The following ZC4H2 variants were observed in gnomAD, a reference collection of about 807,000 sequenced individuals.
ZC4H2 encodes zinc finger C4H2-type containing.
For missense variants in ZC4H2, 137 were observed against 173.9 expected (o/e 0.79, Z 1.19); for synonymous variants, 84 against 66.3 (o/e 1.27, Z -1.30).
At chrX:64,959,991 C>A (rs756760130) in intron 1 of ZC4H2, among the ~76,000 whole-genome samples, 61 of 110,897 alleles carry the variant, frequency 5.5e-4, no homozygotes, top group Non-Finnish European at 9.8e-4. Flanking sequence ...CCCTCCCAGG[C>A]ATAACTAAAA....
rs1932811594 is a variant in ZC4H2, at chrX:65,018,404, G to A, written c.-272+16225C>T. Among the ~76,000 whole-genome samples the A allele has an allele frequency of 3.6e-5, 4 of 112,214 alleles. No homozygotes were observed. The South Asian group carries it at 1.5e-3, about 41-fold the overall frequency. On this transcript the variant is annotated intron_variant, in intron 1 of 4. Coordinates refer to the ZC4H2 transcript ENST00000337990. ...GCAGGACGAAGCAGAGTGGGGTGTT[G>A]CCTCACCTGGGAAGCACAAAGGGTT...
At chrX:65,021,401 C>T (rs779806839) in intron 1 of ZC4H2, among the ~76,000 whole-genome samples, 10 of 111,057 alleles carry the variant, frequency 9.0e-5, no homozygotes, top group African/African-American at 3.0e-4. Context: ...GGAAACTGAA[C>T]GACCTGCTCC....
At chrX:64,993,582 C>G (rs1002329154) in intron 1 of ZC4H2, among the ~76,000 whole-genome samples, 1 of 111,615 alleles carries the variant, frequency 9.0e-6, no homozygotes, top group African/African-American at 3.3e-5. Flanking sequence ...GACATGGAAT[C>G]TGCTAGTGCC....
At chrX:64,940,291 G>A (rs1034235696) in intron 1 of ZC4H2, among the ~76,000 whole-genome samples, 9 of 111,501 alleles carry the variant, frequency 8.1e-5, no homozygotes, top group African/African-American at 2.9e-4. Flanking sequence ...GATCCTTGTA[G>A]GATCTGGATA....
At chrX:65,011,701 CT>C (rs773822937) in intron 1 of ZC4H2, among the ~76,000 whole-genome samples, 21 of 104,329 alleles carry the variant, frequency 2.0e-4, no homozygotes, top group East Asian at 6.1e-4. Flanking sequence ...AGTATGCCAT[CT>C]TTTTTTTTTG....
At chrX:64,927,663 G>A (rs1457587111) in intron 1 of ZC4H2, among the ~76,000 whole-genome samples, 3 of 111,815 alleles carry the variant, frequency 2.7e-5, no homozygotes, top group African/African-American at 9.8e-5. Context: ...GGAATTGCTG[G>A]GTCAAATGGT....
chrX:64,972,082 T>A (rs1370784019), intron 1 of ZC4H2, among the ~76,000 whole-genome samples: 11 of 111,670 alleles, frequency 9.9e-5, no homozygotes. Context: ...TTTGTTCCAT[T>A]CTTGTCTCTC....
At chrX:64,954,353 T>A (rs1223932626) in intron 1 of ZC4H2, among the ~76,000 whole-genome samples, 1 of 70,210 alleles carries the variant, frequency 1.4e-5, no homozygotes, top group African/African-American at 1.1e-4. Flanking sequence ...TATATATATA[T>A]AATTATATAT....
intron 1 of ZC4H2, among the ~76,000 whole-genome samples, chrX:64,946,500 T>A (rs922345524): frequency 1.3e-4 from 14 of 109,113 alleles, no homozygotes; most frequent in African/African-American, 4.7e-4. Flanking sequence ...CACCTCCTGC[T>A]TTGGTCTTGC....
At chrX:64,999,040 T>TTTTTTTTTTG (rs1932477248) in intron 1 of ZC4H2, among the ~76,000 whole-genome samples, 1 of 14,140 alleles carries the variant, frequency 7.1e-5, no homozygotes, top group Non-Finnish European at 1.8e-4. Flanking sequence ...GGATTATGTG[T>TTTTTTTTTTG]TTTTTTTTTT....
chrX:65,028,323 G>A (rs1350707613), intron 1 of ZC4H2, among the ~76,000 whole-genome samples: 1 of 112,021 alleles, frequency 8.9e-6, no homozygotes, highest in African/African-American at 3.2e-5. Flanking sequence ...AGATACAGCA[G>A]TGAACAAAGT....
chrX:64,921,761 T>C, intron 2 of ZC4H2, 56 bp downstream of exon 2: 1 of 1,161,215 alleles, frequency 8.6e-7, no homozygotes, highest in South Asian at 2.0e-5. Flanking sequence ...GGCCCTATCA[T>C]TCACCACTAC....
chrX:64,955,166 C>T (rs974254247), intron 1 of ZC4H2, among the ~76,000 whole-genome samples: 1 of 111,911 alleles, frequency 8.9e-6, no homozygotes. Flanking sequence ...TTTGGTTTGT[C>T]ACACCCATAT....
chrX:65,024,993 TC>T (rs1932865754), intron 1 of ZC4H2, among the ~76,000 whole-genome samples: 1 of 110,364 alleles, frequency 9.1e-6, no homozygotes, highest in African/African-American at 3.3e-5. Context: ...ACACATGTAC[TC>T]CCCGTATTTA....
In ZC4H2 at chrX:64,976,330, C is replaced by A; in HGVS notation, c.48G>T (p.Glu16Asp). ...GGGGACAACGTGCCACTTACCTGAT[C>A]TCTTTAATGCTTTCCAATTTGCACA... ...EIMCKLESIK[E>D]IRNKTLQMEK... The change falls in exon 1 of 5, where the codon GAG (glutamate) becomes GAT (aspartate). Residue 16 changes from glutamate to aspartate, a missense_variant. Coordinates refer to ENST00000374839, the MANE Select transcript of ZC4H2 (RefSeq NM_018684.4). 1 of 1,211,430 alleles carries A rather than the reference C, an allele frequency of 8.3e-7. No individual in the cohort carries two copies. The highest frequency in any genetic ancestry group is 1.1e-6 in the Non-Finnish European group (1 of 895,263).
At chrX:65,018,637 C>CT (rs34913522) in intron 1 of ZC4H2, among the ~76,000 whole-genome samples, 10,568 of 106,843 alleles carry the variant, frequency 0.099, 1,324 homozygotes, top group African/African-American at 0.33. Flanking sequence ...GTTGCAGGAG[C>CT]TTTTTTTTTT....
intron 1 of ZC4H2, among the ~76,000 whole-genome samples, chrX:65,030,725 C>T (rs1435379451): frequency 2.7e-5 from 3 of 110,745 alleles, no homozygotes; most frequent in East Asian, 5.7e-4. Flanking sequence ...GCTTGGCTTG[C>T]TTAGTTCAGT....
In ZC4H2 at chrX:64,984,640, C is replaced by G. The variant is rs146958162; in HGVS notation, c.-272+49989G>C. 4.1e-4 allele frequency among the ~76,000 whole-genome samples: 46 copies of G among 111,421 alleles called. 1 individual carries two copies. The highest frequency in any genetic ancestry group is 1.4e-3 in the African/African-American group (44 of 30,634). ...TTAGGTTTTATAACAGTGATGTTAT[C>G]TATAGGAGCAACTGGGGAGGCTAGC... On this transcript the variant is annotated intron_variant, in intron 1 of 4. Coordinates refer to the ZC4H2 transcript ENST00000337990.
chrX:64,921,429 T>C (rs1486130038), intron 2 of ZC4H2, among the ~76,000 whole-genome samples: 1 of 111,984 alleles, frequency 8.9e-6, no homozygotes, highest in African/African-American at 3.3e-5. Context: ...AAATGATTTG[T>C]TTGGTCTGAC....
Sources: allele counts gnomAD v4.1 joint callset (sites outside exome capture counted in the v4.1 genomes callset), GRCh38; gene constraint gnomAD v4.1.1; transcripts MANE v1.5; gene names NCBI Gene and HGNC (gene_info 2026-07-23, HGNC 2026-07-21).